LIN7A: variants seen among roughly 807,000 people sequenced by gnomAD.
LIN7A encodes lin-7 cell polarity scaffold A.
A neutral mutation model predicts 29.8 loss-of-function variants in LIN7A; 25 were observed. The ratio of observed to expected loss-of-function variants is 0.84; its 90% confidence interval spans 0.61 to 1.17. The LOEUF (loss-of-function observed/expected upper bound fraction) is 1.17. LIN7A is among the 50% of genes most tolerant of loss of function. The pLI, the probability that LIN7A is intolerant of heterozygous loss-of-function variation, is 0.00. For synonymous variants in LIN7A, 118 were observed against 107.5 expected (o/e 1.10, Z -0.60); for missense variants, 239 against 287.0 (o/e 0.83, Z 1.21).
chr12:80,911,505 A>G (rs1248545471), intron 1 of LIN7A, among the ~76,000 whole-genome samples: 1 of 152,160 alleles, frequency 6.6e-6, no homozygotes, highest in Non-Finnish European at 1.5e-5. Flanking sequence ...TCATATGGAA[A>G]GGGATATAGC....
At chr12:80,927,649 G>C (rs756992939) in intron 1 of LIN7A, among the ~76,000 whole-genome samples, 1 of 152,116 alleles carries the variant, frequency 6.6e-6, no homozygotes, top group South Asian at 2.1e-4. Context: ...TAAACTTAGC[G>C]CCCTAACTAC....
In LIN7A at chr12:80,846,882, C is replaced by T. The variant is rs530379344; in HGVS notation, c.274-943G>A. ...TGATTCTGTGCCTGCTTATTTTTCACTTTTATTAATTCACCTTGATCACAG... is the reference window on the plus strand; with the variant it reads ...TGATTCTGTGCCTGCTTATTTTTCATTTTTATTAATTCACCTTGATCACAG... On this transcript the variant is annotated intron_variant, in intron 3 of 5. Transcript: ENST00000552864. Among the ~76,000 whole-genome samples, 9 of 152,282 alleles carry T rather than the reference C, an allele frequency of 5.9e-5. No individual in the cohort carries two copies. The South Asian group carries it at 1.9e-3, about 32-fold the overall frequency.
At chr12:80,865,323 A>G (rs1416154233) in intron 2 of LIN7A, among the ~76,000 whole-genome samples, 1 of 152,088 alleles carries the variant, frequency 6.6e-6, no homozygotes, top group Admixed American at 6.6e-5. Flanking sequence ...ATTTTAAAAA[A>G]AAGGTTTGTT....
At chr12:80,816,339 A>G (rs1258292104) in intron 4 of LIN7A, among the ~76,000 whole-genome samples, 1 of 151,902 alleles carries the variant, frequency 6.6e-6, no homozygotes, top group Non-Finnish European at 1.5e-5. Flanking sequence ...TGAACCCAGG[A>G]GGTCGGGGCT....
intron 5 of LIN7A, among the ~76,000 whole-genome samples, chr12:80,800,575 A>T (rs1417675728): frequency 1.4e-5 from 2 of 147,406 alleles, no homozygotes; most frequent in Non-Finnish European, 1.5e-5. Flanking sequence ...ATAGGTCTAT[A>T]TTTATAAAAG....
intron 2 of LIN7A, among the ~76,000 whole-genome samples, chr12:80,854,658 A>G (rs1873509079): frequency 6.6e-6 from 1 of 152,078 alleles, no homozygotes; most frequent in South Asian, 2.1e-4. Flanking sequence ...GAACTGTTCT[A>G]TATATTCATA....
intron 1 of LIN7A, among the ~76,000 whole-genome samples, chr12:80,893,203 T>A (rs1345229423): frequency 1.3e-5 from 2 of 152,162 alleles, no homozygotes; most frequent in Non-Finnish European, 2.9e-5. Context: ...TGGTGCTGAA[T>A]GGGATTCTTT....
At chr12:80,871,579 A>T (rs1874429275) in intron 2 of LIN7A, among the ~76,000 whole-genome samples, 2 of 152,064 alleles carry the variant, frequency 1.3e-5, no homozygotes, top group South Asian at 4.1e-4. Flanking sequence ...TTCAATAAGC[A>T]TGTTTTTCTA....
chr12:80,846,534 A>T (rs926816542), intron 3 of LIN7A, among the ~76,000 whole-genome samples: 4 of 152,192 alleles, frequency 2.6e-5, no homozygotes, highest in Non-Finnish European at 4.4e-5. Flanking sequence ...AATGAAAACT[A>T]AAATAAAATA....
chr12:80,845,952 A>C lies in LIN7A; in HGVS notation c.274-13T>G, dbSNP rs1873058096. The stretch of plus-strand genomic sequence containing the variant: ...CTGCAACTGTTGCCTGAAAAAAAAA[A>C]AAAAAGATGGTCTTTTGGTAATAAA... On this transcript the variant is annotated splice_polypyrimidine_tract_variant and intron_variant, in intron 3 of 5. Coordinates refer to ENST00000552864, the MANE Select transcript of LIN7A (RefSeq NM_004664.4). The C allele has an allele frequency of 6.3e-7, 1 of 1,584,374 alleles. No homozygotes were observed. Among genetic ancestry groups the C allele is most frequent in the Admixed American group, 1.9e-5 (1 of 52,018 alleles).
At chr12:80,852,264 A>G (rs1393012176) in intron 2 of LIN7A, among the ~76,000 whole-genome samples, 2 of 152,146 alleles carry the variant, frequency 1.3e-5, no homozygotes, top group African/African-American at 2.4e-5. Context: ...CTTCACTTTA[A>G]TTTATTTACC....
intron 1 of LIN7A, among the ~76,000 whole-genome samples, chr12:80,889,734 C>T (rs758616197): frequency 5.9e-5 from 9 of 152,054 alleles, no homozygotes; most frequent in Non-Finnish European, 1.2e-4. Flanking sequence ...TTCAACTTTT[C>T]CTTTCCCATT....
intron 1 of LIN7A, among the ~76,000 whole-genome samples, chr12:80,921,707 A>G (rs1053250669): frequency 5.3e-5 from 8 of 152,222 alleles, no homozygotes; most frequent in African/African-American, 1.9e-4. Flanking sequence ...GGGCTTCAAC[A>G]TATGCATTTT....
At chr12:80,935,422 C>A (rs1878155259) in intron 1 of LIN7A, among the ~76,000 whole-genome samples, 1 of 152,142 alleles carries the variant, frequency 6.6e-6, no homozygotes. Context: ...GTGTTAGAAT[C>A]ATCTAATTCA....
chr12:80,821,008 T>TG (rs1871780232), intron 4 of LIN7A, among the ~76,000 whole-genome samples: 1 of 152,200 alleles, frequency 6.6e-6, no homozygotes, highest in African/African-American at 2.4e-5. Context: ...GAAAGGGTTA[T>TG]GGAAGTGGTG....
chr12:80,798,434 C>T (rs1422954510), intron 5 of LIN7A, among the ~76,000 whole-genome samples: 1 of 152,186 alleles, frequency 6.6e-6, no homozygotes, highest in Admixed American at 6.5e-5. Context: ...TGCGTCAACA[C>T]TCTCCAGCTG....
At chr12:80,855,896 T>C (rs753324989) in intron 2 of LIN7A, among the ~76,000 whole-genome samples, 30 of 152,278 alleles carry the variant, frequency 2.0e-4, no homozygotes, top group Middle Eastern at 6.8e-3. Context: ...TTATTGTCTT[T>C]TATCCTTTCA....
In LIN7A at chr12:80,878,636, C is replaced by T. The variant is rs770381592; in HGVS notation, c.201+10615G>A. 2.6e-5 allele frequency among the ~76,000 whole-genome samples: 4 copies of T among 152,302 alleles called. 1 individual carries two copies. Among genetic ancestry groups the T allele is most frequent in the South Asian group, 4.1e-4 (2 of 4,828 alleles). On this transcript the variant is annotated intron_variant, in intron 2 of 5. Coordinates refer to ENST00000552864, the MANE Select transcript of LIN7A (RefSeq NM_004664.4). ...TGAGCGGGTTGCTGCTGTTGGCGGA[C>T]GTGGCCAGCTTTTATTCCCTTATTT...
At chr12:80,806,611 T>C (rs1268355295) in intron 5 of LIN7A, among the ~76,000 whole-genome samples, 2 of 152,216 alleles carry the variant, frequency 1.3e-5, no homozygotes, top group Non-Finnish European at 2.9e-5. Context: ...ACAAGTATTT[T>C]GATTTTACTT....
Sources: allele counts gnomAD v4.1 joint callset (sites outside exome capture counted in the v4.1 genomes callset), GRCh38; gene constraint gnomAD v4.1.1; transcripts MANE v1.5; gene names NCBI Gene and HGNC (gene_info 2026-07-23, HGNC 2026-07-21).